CSPP1: variants seen among roughly 807,000 people sequenced by gnomAD.
CSPP1 encodes the protein centrosome and spindle pole associated protein 1, also known as centrosome and spindle pole-associated protein 1.
Under a neutral mutation model 164.4 loss-of-function variants are expected in CSPP1, and 126 were observed. That is an observed-to-expected ratio of 0.77 (90% CI 0.66 to 0.89). The LOEUF is 0.89. Among genes scored for constraint, CSPP1 ranks in the 40% least tolerant of loss-of-function variants. The pLI is 0.00. For synonymous variants in CSPP1, 472 were observed against 476.7 expected (o/e 0.99, Z 0.13); for missense variants, 1,395 against 1,449.8 (o/e 0.96, Z 0.61).
Position 67,095,663 on chromosome 8 carries a change from A to T in CSPP1, c.854A>T (p.Glu285Val). 1.2e-6 allele frequency: 2 copies of T among 1,613,128 alleles called. No individual in the cohort carries two copies. The highest frequency in any genetic ancestry group is 1.7e-6 in the Non-Finnish European group (2 of 1,179,470). Reference sequence around the variant, plus strand: ...GACCAAGATCCTGAAGTAAGTGAAGAAATGGATGAGAGGTTTAGATATGAA... The same window carrying T: ...GACCAAGATCCTGAAGTAAGTGAAGTAATGGATGAGAGGTTTAGATATGAA... ...RPDQDPEVSE[E>V]MDERFRYESD... The change falls in exon 7 of 31, where the codon GAA becomes GTA. Residue 285 changes from glutamate to valine, a missense_variant. Glu to Val is a moderately radical substitution (Grantham distance 121). Coordinates refer to ENST00000678616, the MANE Select transcript of CSPP1 (RefSeq NM_001382391.1).
At position 67,092,441 on chromosome 8, in the gene CSPP1, A is replaced by G. The variant is rs988900338; in HGVS notation, c.384+558A>G. ...TTAATAAATTTCAAAAGACAGACCTAGTTTCTTTTTTTTTGAGACGAAGTA... is the reference window on the plus strand; with the variant it reads ...TTAATAAATTTCAAAAGACAGACCTGGTTTCTTTTTTTTTGAGACGAAGTA... On this transcript the variant is annotated intron_variant, in intron 5 of 30. Transcript: ENST00000678616. Among the ~76,000 whole-genome samples, 5 of 152,174 alleles carry G rather than the reference A, an allele frequency of 3.3e-5. No individual in the cohort carries two copies. In the South Asian group the frequency reaches 6.2e-4, roughly 19 times the overall value.
intron 7 of CSPP1, among the ~76,000 whole-genome samples, chr8:67,099,686 A>G (rs1269409951): frequency 2.6e-5 from 4 of 152,316 alleles, no homozygotes; most frequent in African/African-American, 4.8e-5. Flanking sequence ...AAAGGTTACA[A>G]CAATAAATTG....
intron 16 of CSPP1, among the ~76,000 whole-genome samples, chr8:67,136,676 G>A (rs1822363774): frequency 6.6e-6 from 1 of 151,446 alleles, no homozygotes; most frequent in African/African-American, 2.4e-5. Context: ...GCATTCCCCA[G>A]AGAGAGTTGA....
intron 4 of CSPP1, chr8:67,086,900 T>G: frequency 9.2e-7 from 1 of 1,084,680 alleles, no homozygotes; most frequent in Non-Finnish European, 1.3e-6. Flanking sequence ...TTTTTTTTTT[T>G]TTTACGATCT....
At chr8:67,116,427 AG>A (rs1316554906) in intron 13 of CSPP1, among the ~76,000 whole-genome samples, 1 of 152,188 alleles carries the variant, frequency 6.6e-6, no homozygotes, top group Admixed American at 6.5e-5. Context: ...AACATATAAA[AG>A]TTGTACATTT....
intron 3 of CSPP1, among the ~76,000 whole-genome samples, chr8:67,076,949 G>C (rs1229556731): frequency 1.3e-5 from 2 of 152,152 alleles, no homozygotes; most frequent in Non-Finnish European, 2.9e-5. Flanking sequence ...TATGCTTAAA[G>C]GGTACAAAAT....
intron 9 of CSPP1, among the ~76,000 whole-genome samples, chr8:67,109,541 C>T (rs950651447): frequency 6.6e-6 from 1 of 152,110 alleles, no homozygotes; most frequent in Non-Finnish European, 1.5e-5. Flanking sequence ...CAGGTCCTAC[C>T]CATTCTCAAG....
chr8:67,080,681 T>C (rs1203357566), intron 3 of CSPP1, among the ~76,000 whole-genome samples: 2 of 152,228 alleles, frequency 1.3e-5, no homozygotes, highest in Non-Finnish European at 2.9e-5. Context: ...TAAGAATGAC[T>C]CACAGAACTC....
chr8:67,141,299 T>A (rs1446411119), intron 17 of CSPP1, among the ~76,000 whole-genome samples: 1 of 152,188 alleles, frequency 6.6e-6, no homozygotes, highest in Non-Finnish European at 1.5e-5. Context: ...TCCACATTAT[T>A]TTAGAATTGC....
chr8:67,152,044 C>T (rs968734045), intron 18 of CSPP1, among the ~76,000 whole-genome samples: 9 of 145,298 alleles, frequency 6.2e-5, no homozygotes, highest in South Asian at 2.1e-4. Flanking sequence ...GCTGAGATCA[C>T]GCCACTGCAC....
At chr8:67,168,476 T>C (rs1277235733) in intron 24 of CSPP1, among the ~76,000 whole-genome samples, 1 of 152,220 alleles carries the variant, frequency 6.6e-6, no homozygotes, top group Non-Finnish European at 1.5e-5. Flanking sequence ...AAATTATACA[T>C]GATAATTTCT....
At chr8:67,158,053 A>C (rs541154064) in intron 19 of CSPP1, among the ~76,000 whole-genome samples, 4 of 151,252 alleles carry the variant, frequency 2.6e-5, no homozygotes, top group Admixed American at 2.6e-4. Flanking sequence ...TAATAGCAGC[A>C]ATCACTATAG....
chr8:67,076,028 C>G (rs1198252469), intron 2 of CSPP1, among the ~76,000 whole-genome samples: 1 of 151,570 alleles, frequency 6.6e-6, no homozygotes, highest in Non-Finnish European at 1.5e-5. Context: ...CAAGTATCAC[C>G]TGCTCAGTGA....
intron 15 of CSPP1, among the ~76,000 whole-genome samples, chr8:67,130,243 T>A (rs188875183): frequency 0.015 from 2,289 of 152,346 alleles, 60 homozygotes; most frequent in African/African-American, 0.053. Context: ...CCTTTCATCC[T>A]GATCTGACTA....
chr8:67,119,321 G>T (rs372420082), intron 15 of CSPP1, among the ~76,000 whole-genome samples: 1 of 151,930 alleles, frequency 6.6e-6, no homozygotes, highest in Non-Finnish European at 1.5e-5. Context: ...CCACATTTTG[G>T]CTATTTGTGA....
intron 4 of CSPP1, among the ~76,000 whole-genome samples, chr8:67,089,051 C>CT (rs1184029052): frequency 2.6e-5 from 4 of 152,042 alleles, no homozygotes; most frequent in Non-Finnish European, 5.9e-5. Flanking sequence ...CTGCAGCTTC[C>CT]TGGACCCCCT....
intron 19 of CSPP1, among the ~76,000 whole-genome samples, chr8:67,157,300 C>T (rs191555311): frequency 2.1e-5 from 3 of 144,812 alleles, no homozygotes; most frequent in Non-Finnish European, 3.1e-5. Context: ...GATTAAAGTT[C>T]TTTTTTTTTT....
At chr8:67,114,263 CTTA>C (rs937304969) in intron 11 of CSPP1, 63 bp from the exon 12 acceptor site, 1 of 154,536 alleles carries the variant, frequency 6.5e-6, no homozygotes, top group African/African-American at 2.4e-5. Context: ...GTAATTGTTA[CTTA>C]TTGTAACATT....
At chr8:67,136,312 C>T (rs144972226) in intron 16 of CSPP1, among the ~76,000 whole-genome samples, 1 of 152,138 alleles carries the variant, frequency 6.6e-6, no homozygotes, top group East Asian at 1.9e-4. Flanking sequence ...TGGCTCACGC[C>T]TGTAATCCCA....
Sources: gnomAD v4.1 joint callset for allele counts (sites outside exome capture counted in the v4.1 genomes callset) on GRCh38, gnomAD v4.1.1 for gene constraint, MANE v1.5 for transcripts, NCBI Gene and HGNC (gene_info 2026-07-23, HGNC 2026-07-21) for gene names.